The following CDH12 variants were observed in gnomAD, a reference collection of about 807,000 sequenced individuals.
CDH12 encodes cadherin 12, also known as cadherin-12.
In CDH12, 41 loss-of-function variants were observed where a neutral mutation model predicts 74.1. The observed-to-expected ratio is 0.55, with a 90% CI of 0.43 to 0.72. CDH12 has a LOEUF of 0.72. CDH12 is among the 30% of genes least tolerant of loss of function. CDH12 has a pLI of 0.00. For synonymous variants in CDH12, 399 were observed against 355.0 expected (o/e 1.12, Z -1.39); for missense variants, 945 against 977.2 (o/e 0.97, Z 0.44).
At chr5:22,407,646 A>G (rs1742997111) in intron 2 of CDH12, among the ~76,000 whole-genome samples, 1 of 152,080 alleles carries the variant, frequency 6.6e-6, no homozygotes, top group Admixed American at 6.6e-5. Flanking sequence ...ATCATCTTTC[A>G]CCAGCTACCT....
intron 3 of CDH12, among the ~76,000 whole-genome samples, chr5:22,377,476 C>T (rs1212615484): frequency 6.6e-6 from 1 of 152,066 alleles, no homozygotes; most frequent in Non-Finnish European, 1.5e-5. Context: ...CAAGTGTGTC[C>T]TCATTTGCAT....
chr5:22,675,860 T>C (rs1390758778), intron 1 of CDH12, among the ~76,000 whole-genome samples: 2 of 146,012 alleles, frequency 1.4e-5, no homozygotes, highest in African/African-American at 2.5e-5. Context: ...ATATTTATAC[T>C]TTTGTATCTC....
chr5:21,990,545 C>T (rs1757700060), intron 5 of CDH12, among the ~76,000 whole-genome samples: 1 of 151,678 alleles, frequency 6.6e-6, no homozygotes, highest in South Asian at 2.1e-4. Context: ...CATTTCTCTC[C>T]CTTCATATCC....
intron 1 of CDH12, among the ~76,000 whole-genome samples, chr5:22,660,954 A>C (rs943198429): frequency 3.3e-5 from 5 of 152,182 alleles, no homozygotes; most frequent in Admixed American, 2.6e-4. Context: ...ACAAACAAAA[A>C]ACAAACAGCT....
intron 3 of CDH12, among the ~76,000 whole-genome samples, chr5:22,324,334 T>C (rs1198751839): frequency 6.6e-6 from 1 of 152,058 alleles, no homozygotes. Context: ...TCATTATCAT[T>C]TTTTATTCAT....
chr5:22,234,001 T>C (rs935327870), intron 3 of CDH12, among the ~76,000 whole-genome samples: 1 of 152,212 alleles, frequency 6.6e-6, no homozygotes, highest in African/African-American at 2.4e-5. Flanking sequence ...AAAGGGCTTA[T>C]GTGTACATTT....
rs1021034866 is a variant in CDH12 at position 21,816,990 on chromosome 5, G to A, written c.957C>T (p.Ile319=). The A allele has an allele frequency of 1.9e-6, 3 of 1,611,630 alleles. No homozygotes were observed. Among genetic ancestry groups the A allele is most frequent in the Admixed American group, 1.7e-5 (1 of 59,816 alleles). Residue 319 remains isoleucine (I), a synonymous_variant, in exon 9 of 15, where the codon ATC becomes ATT. Coordinates refer to ENST00000382254, the MANE Select transcript of CDH12 (RefSeq NM_004061.5). ...VPGDGGNLFD[I]VTDEDTQEGV... ...CCTCTTGTGTATCCTCATCTGTGAC[G>A]ATGTCAAACAAATTTCCCCCATCTC...
chr5:22,808,235 C>T (rs1398371), intron 1 of CDH12, among the ~76,000 whole-genome samples: 116,445 of 152,102 alleles, frequency 0.77, 44,680 homozygotes, highest in Admixed American at 0.8. Flanking sequence ...TATTTTTCCC[C>T]ATTCAAATAC....
rs115174429 is a variant in CDH12 at position 22,072,083 on chromosome 5, G to A, written c.231+6363C>T. Among the ~76,000 whole-genome samples the A allele has an allele frequency of 6.8e-3, 1,036 of 151,726 alleles. 9 individuals are homozygous for A. Among genetic ancestry groups the A allele is most frequent in the African/African-American group, 0.024 (989 of 41,358 alleles). On this transcript the variant is annotated intron_variant, in intron 5 of 14. Transcript: ENST00000382254. ...CACAAGCCTATTGTAACTTTCTCCT[G>A]CAGATGCTCTCCCTATCTCTACACC...
chr5:22,567,288 A>T (rs1439215454), intron 1 of CDH12, among the ~76,000 whole-genome samples: 4 of 152,186 alleles, frequency 2.6e-5, no homozygotes, highest in Admixed American at 6.5e-5. Flanking sequence ...GTACCACTTA[A>T]TGCAAGTAAC....
chr5:22,523,306 T>G (rs972560248), intron 1 of CDH12, among the ~76,000 whole-genome samples: 5 of 152,162 alleles, frequency 3.3e-5, no homozygotes, highest in African/African-American at 1.2e-4. Context: ...AAATTCTATA[T>G]CTATATATGC....
intron 1 of CDH12, among the ~76,000 whole-genome samples, chr5:22,575,628 G>A (rs1015750688): frequency 5.3e-5 from 8 of 152,002 alleles, no homozygotes; most frequent in Non-Finnish European, 8.8e-5. Flanking sequence ...GCACTGTTGC[G>A]ATCTCGGATC....
chr5:22,154,423 T>A (rs114071730), intron 4 of CDH12, among the ~76,000 whole-genome samples: 2,583 of 145,494 alleles, frequency 0.018, 62 homozygotes, highest in Middle Eastern at 0.041. Flanking sequence ...CACACACATA[T>A]ACATATATAG....
intron 13 of CDH12, 75 bp from the exon 14 acceptor site, chr5:21,755,917 A>G: frequency 7.2e-7 from 1 of 1,385,528 alleles, no homozygotes; most frequent in Non-Finnish European, 1.0e-6. Context: ...TATCTGCTCA[A>G]TAGTAAGAAG....
chr5:22,529,146 C>T (rs1026262971), intron 1 of CDH12, among the ~76,000 whole-genome samples: 1 of 93,988 alleles, frequency 1.1e-5, no homozygotes, highest in Non-Finnish European at 2.3e-5. Flanking sequence ...CATATATATA[C>T]ACATATATAT....
At chr5:21,816,600 G>A (rs1018333162) in intron 9 of CDH12, among the ~76,000 whole-genome samples, 2 of 98,070 alleles carry the variant, frequency 2.0e-5, no homozygotes, top group African/African-American at 3.5e-5. Flanking sequence ...ACTCCAGCCT[G>A]GGTAACAGAG....
intron 3 of CDH12, among the ~76,000 whole-genome samples, chr5:22,289,755 G>C (rs1440003641): frequency 6.6e-6 from 1 of 152,088 alleles, no homozygotes; most frequent in Non-Finnish European, 1.5e-5. Context: ...CGGTCTTCTT[G>C]GGGGAAAGAG....
chr5:22,091,226 A>G (rs978091270), intron 4 of CDH12, among the ~76,000 whole-genome samples: 1 of 146,662 alleles, frequency 6.8e-6, no homozygotes, highest in Non-Finnish European at 1.5e-5. Context: ...TATATAGCTT[A>G]GTAAATATTT....
At chr5:22,624,227 A>T (rs1220277643) in intron 1 of CDH12, among the ~76,000 whole-genome samples, 1 of 152,198 alleles carries the variant, frequency 6.6e-6, no homozygotes, top group Non-Finnish European at 1.5e-5. Context: ...AACCTAGGCA[A>T]TACCATTCAG....
Sources: gnomAD v4.1 joint callset for allele counts (sites outside exome capture counted in the v4.1 genomes callset) on GRCh38, gnomAD v4.1.1 for gene constraint, MANE v1.5 for transcripts, NCBI Gene and HGNC (gene_info 2026-07-23, HGNC 2026-07-21) for gene names.